Variants in TRANK1 observed in about 807,000 individuals in gnomAD.
TRANK1 encodes the protein TPR and ankyrin repeat-containing protein 1.
Under a neutral mutation model 266.0 loss-of-function variants are expected in TRANK1, and 198 were observed. The ratio of observed to expected loss-of-function variants is 0.74; its 90% CI spans 0.66 to 0.84. TRANK1 has a LOEUF of 0.84. Among genes scored for constraint, TRANK1 ranks in the 40% least tolerant of loss-of-function variants. The pLI, the probability that TRANK1 is intolerant of heterozygous loss-of-function variation, is 0.00. For synonymous variants in TRANK1, 1,396 were observed against 1,384.1 expected (o/e 1.01, Z -0.19); for missense variants, 3,326 against 3,634.6 (o/e 0.92, Z 2.18).
rs1048934969 is a variant in TRANK1, at chr3:36,828,258, C to T, written c.*17G>A. On this transcript the variant is annotated 3_prime_UTR_variant, in exon 24 of 24. Transcript: ENST00000645898. ...TGGAATGTTCCGAAGGATGAGGAGG[C>T]TGCAGCTGTGTGGACATTAGTATTT... 1 of 1,579,908 alleles carries T rather than the reference C, an allele frequency of 6.3e-7. No homozygotes were observed.
chr3:36,923,801 C>T (rs752507679), intron 1 of TRANK1, among the ~76,000 whole-genome samples: 1 of 152,104 alleles, frequency 6.6e-6, no homozygotes, highest in African/African-American at 2.4e-5. Context: ...AAGCATCTGA[C>T]GGCCACTGCC....
intron 9 of TRANK1, among the ~76,000 whole-genome samples, chr3:36,865,833 G>A (rs145918126): frequency 0.01 from 1,597 of 152,150 alleles, 25 homozygotes; most frequent in African/African-American, 0.033. Flanking sequence ...GGAGGCTGAG[G>A]CAGGAGGATT....
Position 36,856,931 on chromosome 3 carries a change from A to G in TRANK1, c.2791T>C (p.Ser931Pro), listed in dbSNP as rs1218960314. 6.4e-7 allele frequency: 1 copy of G among 1,573,546 alleles called. No individual in the cohort carries two copies. The highest frequency in any genetic ancestry group is 8.6e-7 in the Non-Finnish European group (1 of 1,161,174). The change falls in exon 13 of 24, where the codon TCA becomes CCA. Residue 931 changes from serine (S) to proline (P), a missense_variant. Ser to Pro is a moderately conservative substitution (Grantham distance 74, BLOSUM62 -1). Coordinates refer to ENST00000645898, the MANE Select transcript of TRANK1 (RefSeq NM_001329998.2). ...TEQNTCAMEK[S>P]GRIYTEIIRI... is the part of the protein sequence containing the mutation. ...ATGATTTCCGTGTAGATCCGCCCTGATTTCTCCATTGCACACGTGTTCTGC... is the reference window on the plus strand; with the variant it reads ...ATGATTTCCGTGTAGATCCGCCCTGGTTTCTCCATTGCACACGTGTTCTGC...
At chr3:36,834,568 T>G in intron 21 of TRANK1, 194 bp downstream of exon 21, 2 of 569,026 alleles carry the variant, frequency 3.5e-6, no homozygotes, top group South Asian at 5.3e-5. Flanking sequence ...CATCAAAGCT[T>G]ATAAAGAGAC....
chr3:36,864,576 A>G, intron 9 of TRANK1, 96 bp from the exon 10 acceptor site: 1 of 1,211,488 alleles, frequency 8.3e-7, no homozygotes, highest in Non-Finnish European at 1.1e-6. Context: ...CCACATACTC[A>G]CATGCTGTGC....
intron 1 of TRANK1, among the ~76,000 whole-genome samples, chr3:36,943,615 A>AAC (rs1019732225): frequency 1.3e-5 from 2 of 151,386 alleles, no homozygotes; most frequent in East Asian, 1.9e-4. Flanking sequence ...CCCGCCCTCC[A>AAC]ACACACACAC....
At position 36,856,093 on chromosome 3, in the gene TRANK1, A is replaced by G. The variant is rs757162421; in HGVS notation, c.3629T>C (p.Ile1210Thr). 3.4e-5 allele frequency: 55 copies of G among 1,613,702 alleles called. No homozygotes were observed. Among genetic ancestry groups the G allele is most frequent in the South Asian group, 5.5e-5 (5 of 91,086 alleles). Reference sequence around the variant, plus strand: ...GGCCTTGGTGGACTTGGAAAGCTCAATGAAATTCCTTTGTACCTCCTGGCA... The same window carrying G: ...GGCCTTGGTGGACTTGGAAAGCTCAGTGAAATTCCTTTGTACCTCCTGGCA... ...VLCQEVQRNF[I>T]ELSKSTKATS... The change falls in exon 13 of 24, where the codon ATT becomes ACT. Residue 1210 changes from isoleucine to threonine, a missense_variant. Transcript: ENST00000645898.
At chr3:36,875,856 T>C (rs1259327978) in intron 8 of TRANK1, among the ~76,000 whole-genome samples, 1 of 152,236 alleles carries the variant, frequency 6.6e-6, no homozygotes, top group African/African-American at 2.4e-5. Flanking sequence ...TTAGGAATAA[T>C]TCAATCCAGA....
chr3:36,851,839 A>AT lies in TRANK1; in HGVS notation c.4766dup (p.Asn1589LysfsTer2). ...CTGGAATTTTCTCCTTTGCCGTTTCATTGGCCACAAGGATTACCTGAAGAA... is the reference window on the plus strand; with the variant it reads ...CTGGAATTTTCTCCTTTGCCGTTTCATTTGGCCACAAGGATTACCTGAAGAA... On this transcript the variant is annotated frameshift_variant, in exon 15 of 24. Transcript: ENST00000645898. LOFTEE classifies it high-confidence loss of function. 6.2e-7 allele frequency: 1 copy of AT among 1,602,340 alleles called. No individual in the cohort carries two copies. The highest frequency in any genetic ancestry group is 8.5e-7 in the Non-Finnish European group (1 of 1,174,396).
intron 9 of TRANK1, among the ~76,000 whole-genome samples, chr3:36,865,015 GTTTTTTTGGTTTTTTTTTTTTTT>G (rs2079194381): frequency 8.1e-6 from 1 of 122,878 alleles, no homozygotes; most frequent in African/African-American, 3.0e-5. Flanking sequence ...GGGTTTTTTT[GTTTTTTTGGTTTTTTTTTTTTTT>G]TTTTTTTGAG....
intron 1 of TRANK1, among the ~76,000 whole-genome samples, chr3:36,934,828 C>G (rs1366816924): frequency 1.3e-5 from 2 of 152,194 alleles, no homozygotes; most frequent in African/African-American, 2.4e-5. Context: ...TTCTCGAGCT[C>G]ATTCCCAGCT....
At position 36,838,365 on chromosome 3, in the gene TRANK1, G is replaced by A. The variant is rs1394922033; in HGVS notation, c.5517+7C>T. ...TCCCTGGAGCAGCAGCGGACTAGGA[G>A]CCATACCTTTCCCAGCCTCTCGCAC... On this transcript the variant is annotated splice_region_variant and intron_variant, in intron 20 of 23. Transcript: ENST00000645898. 3.1e-6 allele frequency: 5 copies of A among 1,613,762 alleles called. No individual in the cohort carries two copies. Among genetic ancestry groups the A allele is most frequent in the East Asian group, 2.2e-5 (1 of 44,896 alleles).
chr3:36,866,022 A>G (rs1001138227), intron 9 of TRANK1, among the ~76,000 whole-genome samples: 1 of 150,314 alleles, frequency 6.7e-6, no homozygotes, highest in Non-Finnish European at 1.5e-5. Flanking sequence ...GACAGACAGA[A>G]AGAAAGAGAG....
At chr3:36,852,659 C>A (rs908261074) in intron 13 of TRANK1, among the ~76,000 whole-genome samples, 2 of 151,336 alleles carry the variant, frequency 1.3e-5, no homozygotes, top group Admixed American at 1.3e-4. Context: ...AACAATGAGA[C>A]CTCAGGAGGC....
At chr3:36,941,562 TCTGG>T (rs1474021583) in intron 1 of TRANK1, among the ~76,000 whole-genome samples, 1 of 152,250 alleles carries the variant, frequency 6.6e-6, no homozygotes, top group African/African-American at 2.4e-5. Flanking sequence ...AAATGTCTGC[TCTGG>T]CAGAATGAAC....
rs751324651 is a variant in TRANK1, at chr3:36,882,240, A to G, written c.907+7589T>C. ...CCAAGTTTTCCACTTCCTTGTCAAC[A>G]TTTGTTGTTATCTTTTTTTATTTTA... is the stretch of plus-strand genomic sequence containing the variant. On this transcript the variant is annotated intron_variant, in intron 8 of 23. Coordinates refer to ENST00000645898, the MANE Select transcript of TRANK1 (RefSeq NM_001329998.2). Among the ~76,000 whole-genome samples, 8 of 152,204 alleles carry G rather than the reference A, an allele frequency of 5.3e-5. No homozygotes were observed. In the East Asian group the frequency reaches 5.8e-4, roughly 11 times the overall value.
Position 36,903,183 on chromosome 3 carries a change from T to C in TRANK1, c.248A>G (p.Lys83Arg). The change falls in exon 3 of 24, where the codon AAG (lysine) becomes AGG (arginine). Residue 83 changes from lysine to arginine, a missense_variant. Coordinates refer to ENST00000645898, the MANE Select transcript of TRANK1 (RefSeq NM_001329998.2). ...GKWNEAFVAA[K>R]ECLQWDPTYV... ...GGTTGGATCCCATTGGAGACATTCC[T>C]TGGCAGCAACAAATGCCTCATTCCA... The C allele has an allele frequency of 6.5e-7, 1 of 1,537,324 alleles. No individual in the cohort carries two copies. Among genetic ancestry groups the C allele is most frequent in the South Asian group, 1.2e-5 (1 of 84,064 alleles).
intron 1 of TRANK1, among the ~76,000 whole-genome samples, chr3:36,921,750 G>A (rs1334703668): frequency 6.6e-6 from 1 of 152,224 alleles, no homozygotes; most frequent in African/African-American, 2.4e-5. Context: ...GGTGGCCAGG[G>A]AAGAGAATGT....
rs1297161012 is a variant in TRANK1 at position 36,879,794 on chromosome 3, A to ATG, written c.908-5499_908-5498insCA. ...TAAATATATATAAATATGTAAATATATAAATATACAAATATATGTAAATAT... is the reference window on the plus strand; with the variant it reads ...TAAATATATATAAATATGTAAATATATGTAAATATACAAATATATGTAAATAT... On this transcript the variant is annotated intron_variant, in intron 8 of 23. Coordinates refer to ENST00000645898, the MANE Select transcript of TRANK1 (RefSeq NM_001329998.2). Among the ~76,000 whole-genome samples the ATG allele has an allele frequency of 8.6e-3, 404 of 47,044 alleles. 83 individuals are homozygous for ATG. Among genetic ancestry groups the ATG allele is most frequent in the Middle Eastern group, 0.062 (2 of 32 alleles). The allele number at this position is 47,044 out of a possible 152,430, so 30.9% of individuals were successfully genotyped here.
Sources: gnomAD v4.1 joint callset for allele counts (sites outside exome capture counted in the v4.1 genomes callset) on GRCh38, gnomAD v4.1.1 for gene constraint, MANE v1.5 for transcripts, NCBI Gene and HGNC (gene_info 2026-07-23, HGNC 2026-07-21) for gene names.